Variants in SLC25A26 observed in about 807,000 individuals in gnomAD.
The protein encoded by SLC25A26 is mitochondrial S-adenosylmethionine carrier protein.
In SLC25A26, 36 loss-of-function variants were observed where a neutral mutation model predicts 37.8. The observed-to-expected ratio is 0.95, with a 90% confidence interval of 0.73 to 1.26. The LOEUF is 1.26. Among genes scored for constraint, SLC25A26 ranks in the 50% most tolerant of loss-of-function variants. SLC25A26 has a pLI of 0.00. For synonymous variants in SLC25A26, 129 were observed against 122.5 expected (o/e 1.05, Z -0.35); for missense variants, 390 against 331.1 (o/e 1.18, Z -1.38).
chr3:66,327,928 C>T (rs770460121), intron 5 of SLC25A26, among the ~76,000 whole-genome samples: 12 of 150,324 alleles, frequency 8.0e-5, no homozygotes, highest in South Asian at 4.2e-4. Context: ...AAAAATAATG[C>T]GCTGAAAGGA....
intron 1 of SLC25A26, among the ~76,000 whole-genome samples, chr3:66,212,881 G>A (rs2071305025): frequency 1.3e-5 from 2 of 152,124 alleles, no homozygotes; most frequent in East Asian, 1.9e-4. Flanking sequence ...CATATTTTGT[G>A]TACCCATTCA....
intron 7 of SLC25A26, among the ~76,000 whole-genome samples, chr3:66,367,736 A>C (rs1418557349): frequency 6.7e-6 from 1 of 150,192 alleles, no homozygotes; most frequent in Non-Finnish European, 1.5e-5. Context: ...AGAGAGACAG[A>C]TAGTGTTCAT....
chr3:66,340,221 T>A (rs1295049689), intron 5 of SLC25A26, among the ~76,000 whole-genome samples: 1 of 152,110 alleles, frequency 6.6e-6, no homozygotes, highest in African/African-American at 2.4e-5. Flanking sequence ...TCTGTCTTGA[T>A]GCCACTACAA....
At chr3:66,303,351 G>C (rs985349224) in intron 5 of SLC25A26, among the ~76,000 whole-genome samples, 4 of 152,192 alleles carry the variant, frequency 2.6e-5, no homozygotes, top group African/African-American at 9.6e-5. Context: ...ACAGCTAACT[G>C]TGTTGGAGGA....
intron 5 of SLC25A26, among the ~76,000 whole-genome samples, chr3:66,289,816 C>T (rs1215444161): frequency 3.9e-5 from 6 of 152,176 alleles, no homozygotes; most frequent in East Asian, 1.9e-4. Flanking sequence ...TTTTTGATTA[C>T]GTATGAAATT....
chr3:66,213,068 G>A lies in SLC25A26; in HGVS notation c.-353-7674G>A, dbSNP rs1277468652. Among the ~76,000 whole-genome samples the A allele has an allele frequency of 2.0e-5, 3 of 151,842 alleles. No individual in the cohort carries two copies. The East Asian group carries it at 5.8e-4, about 29-fold the overall frequency. ...TCCCTGGATAAAAGGAGGATAAAAC[G>A]TGACTAAGGAATGTTACCATTGGGA... On this transcript the variant is annotated intron_variant, in intron 1 of 10. Transcript: ENST00000676754.
At chr3:66,220,766 T>G (rs1335017292), upstream of SLC25A26, 1 of 440,232 alleles carries the variant, frequency 2.3e-6, no homozygotes, top group East Asian at 5.1e-5. Flanking sequence ...GGCCTCATTC[T>G]ACCGCTGCTC....
intron 6 of SLC25A26, among the ~76,000 whole-genome samples, chr3:66,356,729 A>G (rs1296237857): frequency 6.6e-6 from 1 of 152,138 alleles, no homozygotes; most frequent in Non-Finnish European, 1.5e-5. Context: ...CCCAGGCTCA[A>G]GCAATCCTGC....
At position 66,346,400 on chromosome 3, in the gene SLC25A26, T is replaced by A. The variant is rs186531358; in HGVS notation, c.490T>A (p.Ser164Thr). ...TTTGGTCCAGTTTCCCTTATGGGAG[T>A]CCTTAAAAGTAAGTTTCTCAGTCTT... ...FSLVQFPLWE[S>T]LKALWSWRQD... The change falls in exon 6 of 10, where the codon TCC becomes ACC. Residue 164 changes from serine to threonine, a missense_variant. Transcript: ENST00000354883. 47 of 1,475,978 alleles carry A rather than the reference T, an allele frequency of 3.2e-5. No homozygotes were observed. In the East Asian group the frequency reaches 1.2e-3, roughly 37 times the overall value. The allele number at this position is 1,475,978 out of a possible 1,614,324, so 91.4% of individuals were successfully genotyped here.
In SLC25A26 at chr3:66,378,030, C is replaced by T; in HGVS notation, c.*223C>T. ...GAAGAAAACGGGGTCTGTGGCGGTA[C>T]TCTGAACAATTTCCTCAGAACCTCT... is the stretch of plus-strand genomic sequence containing the variant. On this transcript the variant is annotated 3_prime_UTR_variant, in exon 10 of 10. Coordinates refer to ENST00000354883, the MANE Select transcript of SLC25A26 (RefSeq NM_001379210.1). 2.2e-6 allele frequency: 1 copy of T among 463,714 alleles called. No individual in the cohort carries two copies. The highest frequency in any genetic ancestry group is 3.9e-6 in the Non-Finnish European group (1 of 259,374). 28.7% of individuals were successfully genotyped at this position (463,714 alleles called of 1,614,324 possible).
intron 5 of SLC25A26, among the ~76,000 whole-genome samples, chr3:66,308,736 G>A (rs1350368821): frequency 6.6e-6 from 1 of 152,096 alleles, no homozygotes. Flanking sequence ...GCATGAAGGG[G>A]TGGTTAGCAT....
intron 1 of SLC25A26, among the ~76,000 whole-genome samples, chr3:66,153,828 C>A (rs960729873): frequency 6.6e-6 from 1 of 152,142 alleles, no homozygotes; most frequent in African/African-American, 2.4e-5. Context: ...TGTCTTCTTC[C>A]GAGGAAAGAT....
At chr3:66,222,049 A>G (rs2071520802) in intron 1 of SLC25A26, among the ~76,000 whole-genome samples, 1 of 152,094 alleles carries the variant, frequency 6.6e-6, no homozygotes, top group African/African-American at 2.4e-5. Context: ...CAGGTGGGCT[A>G]GGTTCAGGGT....
At chr3:66,265,561 G>A (rs749535759) in intron 5 of SLC25A26, among the ~76,000 whole-genome samples, 77 of 152,228 alleles carry the variant, frequency 5.1e-4, no homozygotes, top group Non-Finnish European at 8.7e-4. Context: ...AAATATTGCC[G>A]TATTTGACCG....
intron 3 of SLC25A26, among the ~76,000 whole-genome samples, chr3:66,253,595 A>G (rs993134264): frequency 6.6e-6 from 1 of 152,226 alleles, no homozygotes; most frequent in Admixed American, 6.5e-5. Flanking sequence ...GGAAGTCAAC[A>G]TTCCCTTGCA....
rs1445878320 is a variant in SLC25A26 at position 66,239,013 on chromosome 3, CCCA to C, written c.190+2314_190+2316del. Among the ~76,000 whole-genome samples, 17 of 152,200 alleles carry C rather than the reference CCCA, an allele frequency of 1.1e-4. No individual in the cohort carries two copies. The South Asian group carries it at 3.1e-3, about 28-fold the overall frequency. ...TTCACCATTTGCTTTAGTTTCAATGCCCATATTGTATAGAAGGGTCCTTGTCAT... is the reference window on the plus strand; with the variant it reads ...TTCACCATTTGCTTTAGTTTCAATGCTATTGTATAGAAGGGTCCTTGTCAT... On this transcript the variant is annotated intron_variant, in intron 2 of 9. Coordinates refer to ENST00000354883, the MANE Select transcript of SLC25A26 (RefSeq NM_001379210.1).
At chr3:66,274,838 T>C (rs1163048480) in intron 5 of SLC25A26, among the ~76,000 whole-genome samples, 2 of 152,114 alleles carry the variant, frequency 1.3e-5, no homozygotes, top group Non-Finnish European at 2.9e-5. Context: ...TGGAAGTCAG[T>C]GTGGCGATTC....
At chr3:66,203,025 T>C (rs911437455) in intron 1 of SLC25A26, among the ~76,000 whole-genome samples, 148,387 of 152,296 alleles carry the variant, frequency 0.97, 72,414 homozygotes, top group East Asian at 1. Flanking sequence ...TATATTAATA[T>C]AATTCGTAAA....
rs1367893230 is a variant in SLC25A26 at position 66,242,271 on chromosome 3, A to G, written c.191-932A>G. On this transcript the variant is annotated intron_variant, in intron 2 of 9. Coordinates refer to ENST00000354883, the MANE Select transcript of SLC25A26 (RefSeq NM_001379210.1). The stretch of plus-strand genomic sequence containing the variant: ...TTAGAGGTATTATAGCTGCACATTT[A>G]TTAAGTGGGCTGAAGTGGGAAAAAT... Among the ~76,000 whole-genome samples the G allele has an allele frequency of 2.0e-5, 3 of 152,326 alleles. No homozygotes were observed. In the East Asian group the frequency reaches 5.8e-4, roughly 29 times the overall value.
Sources: gnomAD v4.1 joint callset for allele counts (sites outside exome capture counted in the v4.1 genomes callset) on GRCh38, gnomAD v4.1.1 for gene constraint, MANE v1.5 for transcripts, NCBI Gene and HGNC (gene_info 2026-07-23, HGNC 2026-07-21) for gene names.